Variants in MAST3 observed in about 807,000 individuals in gnomAD.
MAST3 encodes the protein microtubule-associated serine/threonine-protein kinase 3.
MAST3 carries 43 observed loss-of-function variants against 127.0 expected under a neutral mutation model. The ratio of observed to expected loss-of-function variants is 0.34; its 90% confidence interval spans 0.27 to 0.44. The LOEUF (loss-of-function observed/expected upper bound fraction) is 0.44, where lower values mean the gene tolerates loss of function less well. MAST3 is among the 20% of genes least tolerant of loss of function. The probability of loss-of-function intolerance (pLI) is 1.00; values close to 1 mark genes in which losing one functional copy is unlikely to be tolerated. For missense variants in MAST3, 1,390 were observed against 1,919.1 expected, an observed-to-expected ratio of 0.72 and a Z score of 5.15; for synonymous variants, 785 against 809.2, an observed-to-expected ratio of 0.97 and a Z score of 0.51.
chr19:18,105,079 C>T (rs2037960713), intron 1 of MAST3, among the ~76,000 whole-genome samples: 1 of 152,126 alleles, frequency 6.6e-6, no homozygotes, highest in Admixed American at 6.6e-5. Flanking sequence ...AATAAACCCT[C>T]GTGATTGACC....
At position 18,145,436 on chromosome 19, in the gene MAST3, G is replaced by A. The variant is rs1216172144; in HGVS notation, c.3039+207G>A. ...ATGGATGGAAGCTCACAGATCCCAA[G>A]TGGCATTAACCTCCCAGCTCCATAT... On this transcript the variant is annotated intron_variant, in intron 24 of 27. Coordinates refer to ENST00000687212, the MANE Select transcript of MAST3 (RefSeq NM_001393504.1). The surrounding 1 kb of genome is among the most constrained non-coding windows in gnomAD (Gnocchi z 5.9). 6.6e-6 allele frequency among the ~76,000 whole-genome samples: 1 copy of A among 152,190 alleles called. No individual in the cohort carries two copies. Among genetic ancestry groups the A allele is most frequent in the Non-Finnish European group, 1.5e-5 (1 of 68,026 alleles).
intron 3 of MAST3, among the ~76,000 whole-genome samples, chr19:18,116,268 G>C (rs906328630): frequency 6.7e-6 from 1 of 150,322 alleles, no homozygotes; most frequent in Non-Finnish European, 1.5e-5. Context: ...TATTTCTTTT[G>C]TACTTTTATT....
intron 1 of MAST3, chr19:18,098,985 G>A: frequency 3.0e-6 from 1 of 330,578 alleles, no homozygotes; most frequent in Non-Finnish European, 6.1e-6. Context: ...AGGCAGCCAA[G>A]GGTGGCGAGG....
intron 6 of MAST3, 134 bp downstream of exon 6, chr19:18,122,885 C>G: frequency 1.0e-6 from 1 of 1,004,262 alleles, no homozygotes; most frequent in South Asian, 1.4e-5. Context: ...TCCATGCACG[C>G]CCCATTCTGG....
In MAST3 at chr19:18,150,915, C is replaced by A. The variant is rs1228613665; in HGVS notation, c.*1189C>A. ...CCAGTATGCCAGTCCTGCGGGATTA[C>A]GTCCAGCTACTTCCAGAAACACTCA... is the stretch of plus-strand genomic sequence containing the variant. On this transcript the variant is annotated 3_prime_UTR_variant, in exon 28 of 28. Coordinates refer to ENST00000687212, the MANE Select transcript of MAST3 (RefSeq NM_001393504.1). 1 of 152,324 alleles carries A rather than the reference C, an allele frequency of 6.6e-6. No homozygotes were observed. The highest frequency in any genetic ancestry group is 1.5e-5 in the Non-Finnish European group (1 of 68,122). The allele number at this position is 152,324 out of a possible 1,614,324, so 9.4% of individuals were successfully genotyped here. A position where few individuals can be genotyped will look rare whatever the true frequency, so the allele number is the denominator to read the frequency against.
At chr19:18,122,844 T>C (rs2040161710) in intron 6 of MAST3, 93 bp downstream of exon 6, 3 of 1,328,858 alleles carry the variant, frequency 2.3e-6, no homozygotes, top group East Asian at 5.0e-5. Flanking sequence ...GTTGGATAGT[T>C]GTGCAGTCAG....
At chr19:18,115,413 C>A (rs563889003) in intron 3 of MAST3, among the ~76,000 whole-genome samples, 109 of 152,088 alleles carry the variant, frequency 7.2e-4, no homozygotes, top group African/African-American at 2.5e-3. Context: ...AGCGCCTTTA[C>A]CGAGTGTGTG....
chr19:18,142,386 C>T (rs1162248953), intron 21 of MAST3, among the ~76,000 whole-genome samples: 2 of 135,956 alleles, frequency 1.5e-5, no homozygotes, highest in Non-Finnish European at 1.5e-5. Flanking sequence ...GAGTCTCGCT[C>T]TGTCGCACAG....
At chr19:18,116,811 G>A (rs1283924509) in intron 3 of MAST3, among the ~76,000 whole-genome samples, 3 of 145,202 alleles carry the variant, frequency 2.1e-5, no homozygotes, top group Non-Finnish European at 4.6e-5. Flanking sequence ...TTCTCGGGAG[G>A]CTGAGACAGG....
chr19:18,145,198 G>T lies in MAST3; in HGVS notation c.3008G>T (p.Ser1003Ile). Residue 1003 changes from serine (S) to isoleucine (I), a missense_variant, in exon 24 of 28, where the codon AGC (serine) becomes ATC (isoleucine). Transcript: ENST00000687212. This position sits in a 1 kb window ranked among gnomAD's most constrained non-coding sequence, Gnocchi z 5.9. ...LRAIRVYMGDSDVYTVHHVVW... is the reference protein window; with the variant it reads ...LRAIRVYMGDIDVYTVHHVVW... ...GCGATCCGCGTCTACATGGGTGATA[G>T]CGACGTCTACACTGTGCACCACGTC... is the stretch of plus-strand genomic sequence containing the variant. 6.2e-7 allele frequency: 1 copy of T among 1,613,850 alleles called. No individual in the cohort carries two copies. Among genetic ancestry groups the T allele is most frequent in the Non-Finnish European group, 8.5e-7 (1 of 1,179,864 alleles).
chr19:18,134,843 C>T lies in MAST3; in HGVS notation c.1731C>T (p.Ala577=), dbSNP rs2041725018. 4 of 1,613,870 alleles carry T rather than the reference C, an allele frequency of 2.5e-6. No homozygotes were observed. In the South Asian group the frequency reaches 4.4e-5, roughly 18 times the overall value. ...TGTGTGGGACGCCGGAGTACATAGCCCCCGAGGTGATCTTCCGCCAGGGCT... is the reference window on the plus strand; with the variant it reads ...TGTGTGGGACGCCGGAGTACATAGCTCCCGAGGTGATCTTCCGCCAGGGCT... ...KQVCGTPEYI[A]PEVIFRQGYG... The change falls in exon 17 of 28, where the codon GCC becomes GCT. Residue 577 remains alanine, a synonymous_variant. Transcript: ENST00000687212.
chr19:18,133,697 G>A (rs1267459724), intron 15 of MAST3, among the ~76,000 whole-genome samples: 3 of 151,870 alleles, frequency 2.0e-5, no homozygotes, highest in Non-Finnish European at 4.4e-5. Context: ...GGGATTACAG[G>A]CATGCGCCAC....
rs369248468 is a variant in MAST3 at position 18,121,776 on chromosome 19, G to C, written c.250+3G>C. 1.4e-5 allele frequency: 23 copies of C among 1,613,892 alleles called. No individual in the cohort carries two copies. The highest frequency in any genetic ancestry group is 1.7e-5 in the Non-Finnish European group (20 of 1,179,896). ...GTCGCCATTGTCGGTCCCAACGGGT[G>C]AGTGTGGGAGCAGCCAGCGGGTGCT... On this transcript the variant is annotated splice_donor_region_variant and intron_variant, in intron 4 of 27. Coordinates refer to ENST00000687212, the MANE Select transcript of MAST3 (RefSeq NM_001393504.1).
In MAST3 at chr19:18,147,013, G is replaced by C. The variant is rs750532662; in HGVS notation, c.3295G>C (p.Asp1099His). The C allele has an allele frequency of 3.2e-6, 5 of 1,575,496 alleles. No homozygotes were observed. The highest frequency in any genetic ancestry group is 2.3e-5 in the South Asian group (2 of 85,758). The change falls in exon 26 of 28, where the codon GAT becomes CAT. Residue 1099 changes from aspartate (D) to histidine (H), a missense_variant. Asp to His is a moderately conservative substitution (Grantham distance 81, BLOSUM62 -1). Around this residue, in one of 5 missense-constraint regions of MAST3, gnomAD observed 816 missense variants for 934.1 expected, o/e 0.87. Transcript: ENST00000687212. ...GAGGAGCCGTCGGCGGGAGACCCAGGATCGGTGCGCGGCAGTGACCACCAG... is the reference window on the plus strand; with the variant it reads ...GAGGAGCCGTCGGCGGGAGACCCAGCATCGGTGCGCGGCAGTGACCACCAG... The part of the protein sequence containing the change: ...SKRSRRRETQ[D>H]RCAAVTTRER...
rs1199531792 is a variant in MAST3 at position 18,147,034 on chromosome 19, A to C, written c.3316A>C (p.Thr1106Pro). 1 of 1,564,016 alleles carries C rather than the reference A, an allele frequency of 6.4e-7. No individual in the cohort carries two copies. The highest frequency in any genetic ancestry group is 1.4e-5 in the African/African-American group (1 of 73,558). The change falls in exon 26 of 28, where the codon ACC (threonine) becomes CCC (proline). Residue 1106 changes from threonine to proline, a missense_variant. Physicochemically the swap from Thr to Pro is conservative, Grantham distance 38. Coordinates refer to ENST00000687212, the MANE Select transcript of MAST3 (RefSeq NM_001393504.1). ...CCAGGATCGGTGCGCGGCAGTGACC[A>C]CCAGGGAGCGGTACACAGGGGGCGG... ...ETQDRCAAVTTRERRKSLFKK... is the reference protein window; with the variant it reads ...ETQDRCAAVTPRERRKSLFKK...
intron 15 of MAST3, among the ~76,000 whole-genome samples, chr19:18,133,292 C>T (rs1443110201): frequency 2.6e-5 from 4 of 152,150 alleles, no homozygotes; most frequent in Non-Finnish European, 5.9e-5. Context: ...TTGGCATGTA[C>T]TTGTTAGGCA....
In MAST3 at chr19:18,124,000, G is replaced by A. The variant is rs35945810; in HGVS notation, c.695G>A (p.Arg232Gln). Residue 232 changes from arginine to glutamine, a missense_variant, in exon 9 of 28, where the codon CGG (arginine) becomes CAG (glutamine). Arg to Gln is a conservative substitution (Grantham distance 43, BLOSUM62 1). This residue lies in a region of MAST3 where 277 missense variants were observed against 384.8 expected (regional missense o/e 0.72). Transcript: ENST00000687212. ...CTGACGGCCTACGCGCCCGGCGCCC[G>A]GCTGGCGCTGGCTGATGGCGTCTTG... ...EFLTAYAPGA[R>Q]LALADGVLGF... 4,325 of 1,593,212 alleles carry A rather than the reference G, an allele frequency of 2.7e-3. 16 individuals carry two copies. Among genetic ancestry groups the A allele is most frequent in the Non-Finnish European group, 3.2e-3 (3,793 of 1,171,162 alleles).
rs947619618 is a variant in MAST3, at chr19:18,136,678, C to T, written c.1973-561C>T. On this transcript the variant is annotated intron_variant, in intron 18 of 27. Coordinates refer to ENST00000687212, the MANE Select transcript of MAST3 (RefSeq NM_001393504.1). The stretch of plus-strand genomic sequence containing the variant: ...CTGACCTCAAGTGATCTGCCCGCCT[C>T]AGCCTCCCAAAGTGCTGGCATTACA... Among the ~76,000 whole-genome samples, 6 of 152,166 alleles carry T rather than the reference C, an allele frequency of 3.9e-5. 1 individual carries two copies. The highest frequency in any genetic ancestry group is 4.1e-4 in the South Asian group (2 of 4,832).
rs774176779 is a variant in MAST3 at position 18,141,983 on chromosome 19, G to A, written c.2307G>A (p.Val769=). The change falls in exon 21 of 28, where the codon GTG becomes GTA. Residue 769 remains valine (V), a synonymous_variant. Coordinates refer to ENST00000687212, the MANE Select transcript of MAST3 (RefSeq NM_001393504.1). The stretch of plus-strand genomic sequence containing the variant: ...AGGAGGGGTGGGAGCGCAGCGAAGT[G>A]GACTATGGCCGCCGGCTGAGTGCTG... The part of the protein sequence containing the change: ...DREEGWERSE[V]DYGRRLSADI... 2 of 1,530,692 alleles carry A rather than the reference G, an allele frequency of 1.3e-6. No individual in the cohort carries two copies. The highest frequency in any genetic ancestry group is 1.8e-6 in the Non-Finnish European group (2 of 1,131,626). The allele number at this position is 1,530,692 out of a possible 1,614,324, so 94.8% of individuals were successfully genotyped here.
Sources: allele counts gnomAD v4.1 joint callset (sites outside exome capture counted in the v4.1 genomes callset), GRCh38; gene constraint gnomAD v4.1.1; regional missense constraint gnomAD v4.1.1; non-coding constraint Gnocchi (gnomAD v3.1); transcripts MANE v1.5; gene names NCBI Gene and HGNC (gene_info 2026-07-23, HGNC 2026-07-21).